SYTL4: variants seen among roughly 807,000 people sequenced by gnomAD.
The protein encoded by SYTL4 is synaptotagmin-like protein 4.
In SYTL4, 16 loss-of-function variants were observed where a neutral mutation model predicts 52.7. The observed-to-expected ratio is 0.30, with a 90% CI of 0.21 to 0.46. The LOEUF (loss-of-function observed/expected upper bound fraction) is 0.46. Ranked by LOEUF, SYTL4 falls within the 20% of genes least tolerant of loss-of-function variation. The pLI is 1.00. For synonymous variants in SYTL4, 160 were observed against 186.6 expected (o/e 0.86, Z 1.16); for missense variants, 423 against 519.9 (o/e 0.81, Z 1.81).
intron 2 of SYTL4, among the ~76,000 whole-genome samples, chrX:100,712,876 A>C (rs1432551436): frequency 8.9e-6 from 1 of 112,389 alleles, no homozygotes; most frequent in Non-Finnish European, 1.9e-5. Context: ...ATAGCAAATA[A>C]ACACATGAAA....
rs1176358249 is a variant in SYTL4 at position 100,681,213 on chromosome X, C to T, written c.1558+14G>A. 2 of 1,187,892 alleles carry T rather than the reference C, an allele frequency of 1.7e-6. No homozygotes were observed. The highest frequency in any genetic ancestry group is 2.3e-6 in the Non-Finnish European group (2 of 876,059). ...GAAGACTAAGCTACATCCAGGACCC[C>T]AAAGAAAACTCACTCTTTTTCCGGT... is the stretch of plus-strand genomic sequence containing the variant. On this transcript the variant is annotated intron_variant, in intron 17 of 19. Coordinates refer to ENST00000372989, the MANE Select transcript of SYTL4 (RefSeq NM_001370165.1).
At chrX:100,707,193 A>G (rs1260048146) in intron 2 of SYTL4, among the ~76,000 whole-genome samples, 2 of 112,184 alleles carry the variant, frequency 1.8e-5, no homozygotes, top group East Asian at 2.8e-4. Flanking sequence ...AAAACTGACC[A>G]TGTACTAGGC....
At position 100,699,405 on chromosome X, in the gene SYTL4, GAAAAGAAAAGA is replaced by G. The variant is rs1569397448; in HGVS notation, c.539+1481_539+1491del. Among the ~76,000 whole-genome samples the G allele has an allele frequency of 3.1e-3, 218 of 70,020 alleles. 2 individuals are homozygous for G. Among genetic ancestry groups the G allele is most frequent in the African/African-American group, 0.011 (204 of 18,408 alleles). 60.8% of individuals were successfully genotyped at this position (70,020 alleles called of 115,157 possible). On this transcript the variant is annotated intron_variant, in intron 8 of 19. Transcript: ENST00000372989. ...AAGAAAAAGAAAAGAAAAGAAAAAA[GAAAAGAAAAGA>G]AAAAAAAAGAAAAGAAAACATACAT...
chrX:100,695,997 A>C (rs2083697240), intron 8 of SYTL4, among the ~76,000 whole-genome samples: 1 of 111,754 alleles, frequency 8.9e-6, no homozygotes, highest in African/African-American at 3.3e-5. Context: ...TTTGAGATTC[A>C]TTCATGTTAT....
rs916817541 is a variant in SYTL4 at position 100,704,800 on chromosome X, A to G, written c.-164+11T>C. The G allele has an allele frequency of 1.8e-5, 2 of 111,578 alleles. No individual in the cohort carries two copies. The highest frequency in any genetic ancestry group is 2.8e-4 in the East Asian group (1 of 3,561). The allele number at this position is 111,578 out of a possible 1,213,427, so 9.2% of individuals were successfully genotyped here. A position where few individuals can be genotyped will look rare whatever the true frequency, so the allele number is the denominator to read the frequency against. On this transcript the variant is annotated intron_variant, in intron 3 of 19. Coordinates refer to ENST00000372989, the MANE Select transcript of SYTL4 (RefSeq NM_001370165.1). ...ACAGAGAGTGAAAAAGGAAATGAGA[A>G]TCACACTTACCTTCTCTCCTCTCCT...
intron 16 of SYTL4, among the ~76,000 whole-genome samples, chrX:100,681,950 G>A (rs1271474484): frequency 8.9e-6 from 1 of 112,259 alleles, no homozygotes; most frequent in Non-Finnish European, 1.9e-5. Context: ...AATAACGATT[G>A]CCATTATCAC....
At chrX:100,691,683 G>A (rs1174101113) in intron 8 of SYTL4, among the ~76,000 whole-genome samples, 1 of 111,669 alleles carries the variant, frequency 9.0e-6, no homozygotes, top group Admixed American at 9.4e-5. Flanking sequence ...GACTACAGGT[G>A]CGTGCCACCA....
intron 2 of SYTL4, among the ~76,000 whole-genome samples, chrX:100,723,997 C>G: frequency 9.8e-6 from 1 of 101,732 alleles, no homozygotes; most frequent in African/African-American, 3.7e-5. Context: ...GGCCAGCCGC[C>G]CCGTCCGGGA....
intron 2 of SYTL4, among the ~76,000 whole-genome samples, chrX:100,711,373 A>G (rs757747231): frequency 8.9e-6 from 1 of 112,218 alleles, no homozygotes; most frequent in Admixed American, 9.5e-5. Context: ...CCAAGAACTG[A>G]CACAAATGTT....
chrX:100,710,215 T>C (rs755164326), intron 2 of SYTL4, among the ~76,000 whole-genome samples: 21 of 112,397 alleles, frequency 1.9e-4, no homozygotes, highest in African/African-American at 6.8e-4. Context: ...CTGTTTAGGC[T>C]AAGGACAATG....
chrX:100,675,956 C>T lies in SYTL4; in HGVS notation c.*72G>A. On this transcript the variant is annotated 3_prime_UTR_variant, in exon 20 of 20. Transcript: ENST00000372989. ...CACACATACACATTAAATTATAAAT[C>T]TTTGCTCTTGATTTCTTCACTTCCT... The T allele has an allele frequency of 2.8e-6, 3 of 1,056,898 alleles. No individual in the cohort carries two copies. Among genetic ancestry groups the T allele is most frequent in the Non-Finnish European group, 3.8e-6 (3 of 786,853 alleles). The allele number at this position is 1,056,898 out of a possible 1,213,427, so 87.1% of individuals were successfully genotyped here. A position where few individuals can be genotyped will look rare whatever the true frequency, so the allele number is the denominator to read the frequency against.
chrX:100,725,963 T>C (rs2084508383), intron 2 of SYTL4, among the ~76,000 whole-genome samples: 1 of 106,721 alleles, frequency 9.4e-6, no homozygotes, highest in Non-Finnish European at 2.0e-5. Flanking sequence ...AATTTTCTAC[T>C]TCTTAAAAAT....
intron 2 of SYTL4, among the ~76,000 whole-genome samples, chrX:100,706,227 T>A (rs1268932615): frequency 8.9e-6 from 1 of 112,279 alleles, no homozygotes; most frequent in African/African-American, 3.2e-5. Flanking sequence ...CTTGTTCAAT[T>A]CCTTTACCTA....
intron 15 of SYTL4, chrX:100,686,373 C>T (rs919275711): frequency 2.6e-5 from 10 of 390,286 alleles, no homozygotes; most frequent in Non-Finnish European, 1.3e-5. Context: ...TTCATTTTTT[C>T]TTAAGTGGAT....
intron 2 of SYTL4, among the ~76,000 whole-genome samples, chrX:100,726,838 C>T (rs1418964776): frequency 9.0e-6 from 1 of 110,772 alleles, no homozygotes; most frequent in Admixed American, 9.6e-5. Flanking sequence ...GTTACATATG[C>T]AGTGGTTAAG....
In SYTL4 at chrX:100,678,585, A is replaced by T; in HGVS notation, c.1673T>A (p.Met558Lys). The T allele has an allele frequency of 2.5e-6, 3 of 1,209,997 alleles. No homozygotes were observed. The highest frequency in any genetic ancestry group is 3.4e-6 in the Non-Finnish European group (3 of 893,958). The change falls in exon 19 of 20, where the codon ATG becomes AAG. Residue 558 changes from methionine to lysine, a missense_variant. Transcript: ENST00000372989. ...DSFVKGYLLP[M>K]RNKASKRKTP... is the part of the protein sequence containing the mutation. ...TTTACGTTTACTGGCCTTGTTCCTC[A>T]TGGGAAGGAGGTATCTGGCAGAGGG...
chrX:100,723,328 G>A (rs1367417682), intron 2 of SYTL4, among the ~76,000 whole-genome samples: 2 of 112,024 alleles, frequency 1.8e-5, no homozygotes, highest in Non-Finnish European at 3.8e-5. Context: ...CGCTGTGTTG[G>A]CCGGGCTGGT....
intron 16 of SYTL4, among the ~76,000 whole-genome samples, chrX:100,684,468 G>A (rs1393180930): frequency 1.8e-5 from 2 of 110,389 alleles, no homozygotes; most frequent in African/African-American, 6.6e-5. Context: ...TATTAGTGGG[G>A]GAATGGTAAA....
intron 14 of SYTL4, 72 bp from the exon 15 acceptor site, chrX:100,686,853 A>C: frequency 1.1e-6 from 1 of 919,740 alleles, no homozygotes; most frequent in Non-Finnish European, 1.6e-6. Flanking sequence ...CCTCCTCTCC[A>C]TATAGATATG....
Sources: gnomAD v4.1 joint callset for allele counts (sites outside exome capture counted in the v4.1 genomes callset) on GRCh38, gnomAD v4.1.1 for gene constraint, MANE v1.5 for transcripts, NCBI Gene and HGNC (gene_info 2026-07-23, HGNC 2026-07-21) for gene names.